The following PLEKHG6 variants were observed in gnomAD, a reference collection of about 807,000 sequenced individuals.
PLEKHG6 encodes the protein pleckstrin homology domain-containing family G member 6.
A neutral mutation model predicts 97.5 loss-of-function variants in PLEKHG6; 91 were observed. The ratio of observed to expected loss-of-function variants is 0.93; its 90% confidence interval spans 0.79 to 1.11. PLEKHG6 has a LOEUF of 1.11. PLEKHG6 is among the 50% of genes most tolerant of loss of function. The pLI, the probability that PLEKHG6 is intolerant of heterozygous loss-of-function variation, is 0.00. For synonymous variants in PLEKHG6, 466 were observed against 425.5 expected (o/e 1.10, Z -1.17); for missense variants, 1,044 against 1,031.0 (o/e 1.01, Z -0.17).
Position 6,317,655 on chromosome 12 carries a change from A to C in PLEKHG6, c.976A>C (p.Arg326=), listed in dbSNP as rs1356880367. ...ACTGCTGCTCCATGCTGTGCTCAAG[A>C]GGAGCCCCGAGGCACGAGCCCAAGA... ...YPLLLHAVLK[R]SPEARAQEAL... The change falls in exon 9 of 16, where the codon AGG becomes CGG. Residue 326 remains arginine, a synonymous_variant. Transcript: ENST00000684764. The C allele has an allele frequency of 6.2e-7, 1 of 1,613,938 alleles. No individual in the cohort carries two copies. The highest frequency in any genetic ancestry group is 1.1e-5 in the South Asian group (1 of 91,080).
intron 13 of PLEKHG6, among the ~76,000 whole-genome samples, chr12:6,321,676 A>C (rs113902059): frequency 0.018 from 2,777 of 151,822 alleles, 87 homozygotes; most frequent in African/African-American, 0.064. Context: ...AAAGACAAAA[A>C]ATTAGCCGGG....
chr12:6,320,352 A>G (rs1400993125), intron 13 of PLEKHG6, among the ~76,000 whole-genome samples: 6 of 152,132 alleles, frequency 3.9e-5, no homozygotes, highest in Non-Finnish European at 2.9e-5. Context: ...AATGCATCAG[A>G]AGCTTACTCT....
rs754320030 is a variant in PLEKHG6 at position 6,327,519 on chromosome 12, G to A, written c.1936G>A (p.Ala646Thr). The A allele has an allele frequency of 9.7e-6, 13 of 1,334,090 alleles. No individual in the cohort carries two copies. Among genetic ancestry groups the A allele is most frequent in the Non-Finnish European group, 1.2e-5 (12 of 1,000,072 alleles). 82.6% of individuals were successfully genotyped at this position (1,334,090 alleles called of 1,614,324 possible). Residue 646 changes from alanine to threonine, a missense_variant, in exon 15 of 16, where the codon GCC (alanine) becomes ACC (threonine). By Grantham distance (58) the Ala-to-Thr change is moderately conservative. Transcript: ENST00000684764. The stretch of plus-strand genomic sequence containing the variant: ...CCCCCAAGCTCCTCAACGCCGAAGC[G>A]CCCCCGAACTGCCGGAAGGAATCCT... Reference protein sequence around the residue: ...PDPQAPQRRSAPELPEGILKG... With the variant: ...PDPQAPQRRSTPELPEGILKG...
Position 6,318,337 on chromosome 12 carries a change from C to T in PLEKHG6, c.1192C>T (p.Pro398Ser). 6.2e-7 allele frequency: 1 copy of T among 1,614,084 alleles called. No homozygotes were observed. The highest frequency in any genetic ancestry group is 8.5e-7 in the Non-Finnish European group (1 of 1,179,994). Reference sequence around the variant, plus strand: ...ATTCTCCACCCTGGACCTGACGTCCCCCATGCTGGGGGTTGCATCTGAGCA... The same window carrying T: ...ATTCTCCACCCTGGACCTGACGTCCTCCATGCTGGGGGTTGCATCTGAGCA... The part of the protein sequence containing the change: ...RPFSTLDLTS[P>S]MLGVASEHTR... Residue 398 changes from proline to serine, a missense_variant, in exon 11 of 16, where the codon CCC (proline) becomes TCC (serine). By Grantham distance (74) the Pro-to-Ser change is moderately conservative. Transcript: ENST00000684764.
intron 3 of PLEKHG6, 45 bp downstream of exon 3, chr12:6,313,829 T>C: frequency 2.7e-6 from 4 of 1,498,738 alleles, no homozygotes; most frequent in South Asian, 1.3e-5. Context: ...ACGGCCCCAA[T>C]TGTGATGGCT....
chr12:6,312,773 A>ACTC lies in PLEKHG6; in HGVS notation c.138+414_138+416dup. ...ATGAGCAAAGGTTCAGGGTGTCCCT[A>ACTC]CTCCTCCAGTGGTGGGTAGGGACAG... On this transcript the variant is annotated intron_variant, in intron 2 of 15. Coordinates refer to ENST00000684764, the MANE Select transcript of PLEKHG6 (RefSeq NM_001384598.1). 4.2e-6 allele frequency: 5 copies of ACTC among 1,178,218 alleles called. No individual in the cohort carries two copies. The South Asian group carries it at 1.3e-4, about 30-fold the overall frequency. 73.0% of individuals were successfully genotyped at this position (1,178,218 alleles called of 1,614,324 possible).
At chr12:6,324,295 C>CCA (rs1947798476) in intron 13 of PLEKHG6, among the ~76,000 whole-genome samples, 2 of 97,920 alleles carry the variant, frequency 2.0e-5, no homozygotes, top group Admixed American at 1.9e-4. Context: ...GCCCCCCTCC[C>CCA]CCCCCCGCCG....
chr12:6,317,585 C>A lies in PLEKHG6; in HGVS notation c.906C>A (p.Leu302=). 1 of 1,613,726 alleles carries A rather than the reference C, an allele frequency of 6.2e-7. No individual in the cohort carries two copies. The highest frequency in any genetic ancestry group is 1.1e-5 in the South Asian group (1 of 91,086). The change falls in exon 9 of 16, where the codon CTC becomes CTA. Residue 302 remains leucine, a synonymous_variant. Transcript: ENST00000684764. ...EKHKRSGRQM[L]CDLLIKPHQR... is the part of the protein sequence containing the mutation. ...ACAAGCGCTCTGGGAGGCAGATGCTCTGTGACTTGCTTATCAAGCCCCACC... is the reference window on the plus strand; with the variant it reads ...ACAAGCGCTCTGGGAGGCAGATGCTATGTGACTTGCTTATCAAGCCCCACC...
chr12:6,312,332 G>A lies in PLEKHG6; in HGVS notation c.106G>A (p.Gly36Ser), dbSNP rs776943297. The change falls in exon 2 of 16, where the codon GGC becomes AGC. Residue 36 changes from glycine (G) to serine (S), a missense_variant. By Grantham distance (56) the Gly-to-Ser change is moderately conservative. Transcript: ENST00000684764. ...TCGAGCCTCTGCTCAGAGCACTGCTGGCAGACTCTATCCCCGAGGATACCC... is the reference window on the plus strand; with the variant it reads ...TCGAGCCTCTGCTCAGAGCACTGCTAGCAGACTCTATCCCCGAGGATACCC... ...RHRASAQSTAGRLYPRGYPVL... is the reference protein window; with the variant it reads ...RHRASAQSTASRLYPRGYPVL... 6.3e-7 allele frequency: 1 copy of A among 1,583,304 alleles called. No individual in the cohort carries two copies. Among genetic ancestry groups the A allele is most frequent in the East Asian group, 2.3e-5 (1 of 42,570 alleles).
chr12:6,317,991 GA>G lies in PLEKHG6; in HGVS notation c.1154del (p.Lys385ArgfsTer11). ...VLEPPSDEVE[K>X]NLRPFSTLDL... is the part of the protein sequence containing the mutation. ...TGGAGCCACCCAGTGATGAGGTGGAGAAGGTGAGAGGGCAAAGGGAAGGGAC... is the reference window on the plus strand; with the variant it reads ...TGGAGCCACCCAGTGATGAGGTGGAGAGGTGAGAGGGCAAAGGGAAGGGAC... On this transcript the variant is annotated frameshift_variant and splice_region_variant, in exon 10 of 16. Transcript: ENST00000684764. LOFTEE classifies it high-confidence loss of function. 1 of 1,588,854 alleles carries G rather than the reference GA, an allele frequency of 6.3e-7. No individual in the cohort carries two copies. The highest frequency in any genetic ancestry group is 8.6e-7 in the Non-Finnish European group (1 of 1,167,206).
intron 11 of PLEKHG6, 48 bp downstream of exon 11, chr12:6,318,468 A>G: frequency 6.4e-7 from 1 of 1,556,570 alleles, no homozygotes; most frequent in Non-Finnish European, 8.7e-7. Context: ...CGGTGGGAGA[A>G]GGTAAGAGGC....
In PLEKHG6 at chr12:6,327,518, C is replaced by T. The variant is rs368425707; in HGVS notation, c.1935C>T (p.Ser645=). ...PPDPQAPQRR[S]APELPEGILK... Reference sequence around the variant, plus strand: ...ACCCCCAAGCTCCTCAACGCCGAAGCGCCCCCGAACTGCCGGAAGGAATCC... The same window carrying T: ...ACCCCCAAGCTCCTCAACGCCGAAGTGCCCCCGAACTGCCGGAAGGAATCC... The change falls in exon 15 of 16, where the codon AGC becomes AGT. Residue 645 remains serine (S), a synonymous_variant. Coordinates refer to ENST00000684764, the MANE Select transcript of PLEKHG6 (RefSeq NM_001384598.1). The T allele has an allele frequency of 1.2e-5, 20 of 1,604,888 alleles. No homozygotes were observed. The highest frequency in any genetic ancestry group is 6.7e-5 in the Admixed American group (4 of 59,512).
chr12:6,327,659 C>A lies in PLEKHG6; in HGVS notation c.2076C>A (p.Gly692=), dbSNP rs1422586394. The stretch of plus-strand genomic sequence containing the variant: ...CACTCCACAGGGCCCGGCTTCGGGG[C>A]CAGCTTCCCTCCTCCCCAACCCATG... ...VETLHRARLR[G]QLPSSPTHAD... Residue 692 remains glycine, a synonymous_variant, in exon 15 of 16, where the codon GGC becomes GGA. Coordinates refer to ENST00000684764, the MANE Select transcript of PLEKHG6 (RefSeq NM_001384598.1). 1.9e-6 allele frequency: 3 copies of A among 1,558,738 alleles called. No individual in the cohort carries two copies. In the East Asian group the frequency reaches 7.1e-5, roughly 37 times the overall value.
At chr12:6,313,542 C>G in intron 2 of PLEKHG6, 87 bp from the exon 3 acceptor site, 6 of 1,492,218 alleles carry the variant, frequency 4.0e-6, no homozygotes, top group Non-Finnish European at 5.5e-6. Flanking sequence ...GGAACAACAT[C>G]TAGAGCCAAG....
At chr12:6,328,005 T>G (rs1592040840) in intron 15 of PLEKHG6, 59 bp downstream of exon 15, 3 of 1,532,362 alleles carry the variant, frequency 2.0e-6, no homozygotes, top group Non-Finnish European at 1.8e-6. Context: ...TGTATGGTGG[T>G]GGGGTGTAGT....
At chr12:6,319,317 G>A (rs577857520) in intron 13 of PLEKHG6, 24 of 613,294 alleles carry the variant, frequency 3.9e-5, no homozygotes, top group East Asian at 3.3e-4. Context: ...GCGTGGTGGT[G>A]TGTGCCTGTA....
chr12:6,313,038 A>G, intron 2 of PLEKHG6: 1 of 1,501,994 alleles, frequency 6.7e-7, no homozygotes, highest in Non-Finnish European at 9.0e-7. Flanking sequence ...TATGTGGGGT[A>G]ATTCAGGCCA....
intron 2 of PLEKHG6, 142 bp from the exon 3 acceptor site, chr12:6,313,487 C>G: frequency 1.0e-6 from 1 of 996,808 alleles, no homozygotes; most frequent in Non-Finnish European, 1.5e-6. Context: ...CCACACCAAA[C>G]TGGTTTGCAG....
intron 13 of PLEKHG6, among the ~76,000 whole-genome samples, chr12:6,321,121 G>A (rs567858732): frequency 6.6e-6 from 1 of 152,190 alleles, no homozygotes; most frequent in South Asian, 2.1e-4. Context: ...CTGGGCTCAA[G>A]TGAGTCTCCC....
Sources: allele counts gnomAD v4.1 joint callset (sites outside exome capture counted in the v4.1 genomes callset), GRCh38; gene constraint gnomAD v4.1.1; transcripts MANE v1.5; gene names NCBI Gene and HGNC (gene_info 2026-07-23, HGNC 2026-07-21).